SCN3A: variants seen among roughly 807,000 people sequenced by gnomAD.
SCN3A encodes sodium channel protein type 3 subunit alpha.
Under a neutral mutation model 187.6 loss-of-function variants are expected in SCN3A, and 60 were observed. The observed-to-expected ratio is 0.32, with a 90% confidence interval of 0.26 to 0.40. SCN3A has a LOEUF of 0.40. Among genes scored for constraint, SCN3A ranks in the 10% least tolerant of loss-of-function variants. SCN3A has a pLI of 1.00. For missense variants in SCN3A, 1,601 were observed against 2,428.2 expected (o/e 0.66, Z 7.16); for synonymous variants, 788 against 829.2 (o/e 0.95, Z 0.85).
In SCN3A at chr2:165,090,162, T is replaced by C; in HGVS notation, c.5991A>G (p.Glu1997=). The change falls in exon 28 of 28, where the codon GAA becomes GAG. Residue 1997 remains glutamate, a synonymous_variant. Transcript: ENST00000283254. This position sits in a 1 kb window ranked among gnomAD's most constrained non-coding sequence, Gnocchi z 4.0. ...EKESKGKEVR[E]NQK The stretch of plus-strand genomic sequence containing the variant: ...TCTTTGTTTCTTTTTACTTTTGATT[T>C]TCTCTGACCTCTTTTCCTTTGCTTT... The C allele has an allele frequency of 6.3e-7, 1 of 1,582,900 alleles. No individual in the cohort carries two copies. The highest frequency in any genetic ancestry group is 8.6e-7 in the Non-Finnish European group (1 of 1,160,234).
At chr2:165,133,177 G>A (rs534455422) in intron 15 of SCN3A, among the ~76,000 whole-genome samples, 1 of 152,286 alleles carries the variant, frequency 6.6e-6, no homozygotes, top group East Asian at 1.9e-4. Context: ...CTTTTACACT[G>A]TTTGTGGGAC....
intron 3 of SCN3A, among the ~76,000 whole-genome samples, chr2:165,175,072 C>A (rs1054670721): frequency 1.3e-5 from 2 of 152,172 alleles, no homozygotes; most frequent in African/African-American, 4.8e-5. Flanking sequence ...TTATTTAGAA[C>A]AACAGGACTA....
intron 22 of SCN3A, among the ~76,000 whole-genome samples, chr2:165,098,045 C>T (rs2105651397): frequency 6.6e-6 from 1 of 152,180 alleles, no homozygotes; most frequent in African/African-American, 2.4e-5. Context: ...CTTTTTCCCC[C>T]TGTTAGTAAA....
At chr2:165,093,628 TTCA>T (rs1294262964) in intron 26 of SCN3A, 1 of 152,188 alleles carries the variant, frequency 6.6e-6, no homozygotes, top group Non-Finnish European at 1.5e-5. Flanking sequence ...GTAAAGTCAG[TTCA>T]ATCCTTTCCC....
chr2:165,199,457 ACTTG>A (rs1692183269), intron 1 of SCN3A, among the ~76,000 whole-genome samples: 1 of 151,970 alleles, frequency 6.6e-6, no homozygotes, highest in South Asian at 2.1e-4. Context: ...AATATTGTAA[ACTTG>A]CTTGCAAGTT....
chr2:165,174,215 G>A (rs1690306011), intron 3 of SCN3A, among the ~76,000 whole-genome samples: 1 of 152,098 alleles, frequency 6.6e-6, no homozygotes, highest in Non-Finnish European at 1.5e-5. Context: ...GGCCTCCAGT[G>A]TATTTATTTA....
At chr2:165,163,217 G>C (rs1212751395) in intron 7 of SCN3A, among the ~76,000 whole-genome samples, 1 of 140,574 alleles carries the variant, frequency 7.1e-6, no homozygotes, top group Non-Finnish European at 1.5e-5. Context: ...TTAAAATAAT[G>C]TAAGTCTCAT....
chr2:165,151,055 A>G (rs1489633940), intron 11 of SCN3A, among the ~76,000 whole-genome samples: 3 of 152,158 alleles, frequency 2.0e-5, no homozygotes, highest in Non-Finnish European at 4.4e-5. Context: ...AGTTTCACCA[A>G]ATTTGTTTAT....
intron 12 of SCN3A, among the ~76,000 whole-genome samples, chr2:165,142,790 G>A (rs1236914477): frequency 5.3e-5 from 8 of 151,568 alleles, no homozygotes; most frequent in East Asian, 3.9e-4. Flanking sequence ...TCGCTCTGTC[G>A]CCCAGGCTGG....
In SCN3A at chr2:165,159,116, G is replaced by A. The variant is rs190964581; in HGVS notation, c.1031+3192C>T. ...TCCTCATCAGAAGTTGGTATTGCCAGATACATTTTTCAGTCATTCTAACAG... is the reference window on the plus strand; with the variant it reads ...TCCTCATCAGAAGTTGGTATTGCCAAATACATTTTTCAGTCATTCTAACAG... On this transcript the variant is annotated intron_variant, in intron 9 of 27. Transcript: ENST00000283254. Among the ~76,000 whole-genome samples, 18 of 138,142 alleles carry A rather than the reference G, an allele frequency of 1.3e-4. 1 individual carries two copies. Among genetic ancestry groups the A allele is most frequent in the South Asian group, 1.1e-3 (5 of 4,422 alleles). 90.6% of individuals were successfully genotyped at this position (138,142 alleles called of 152,430 possible).
intron 12 of SCN3A, among the ~76,000 whole-genome samples, chr2:165,142,115 C>A (rs1346103858): frequency 6.6e-6 from 1 of 152,142 alleles, no homozygotes; most frequent in Non-Finnish European, 1.5e-5. Context: ...TTCCTCCTTG[C>A]TCTCTCATTC....
At chr2:165,148,626 C>G (rs1368753278) in intron 11 of SCN3A, among the ~76,000 whole-genome samples, 1 of 151,802 alleles carries the variant, frequency 6.6e-6, no homozygotes, top group Non-Finnish European at 1.5e-5. Context: ...TGTGTTTGAC[C>G]AAGCAACACA....
Position 165,176,139 on chromosome 2 carries a change from T to G in SCN3A, c.256A>C (p.Asn86His), listed in dbSNP as rs957355687. ...PLEDLDPYYI[N>H]KKTFIVMNKG... ...CTAAAATCAATACTCACTTTCTTAT[T>G]GATATAGTAGGGATCCAGGTCCTCC... Residue 86 changes from asparagine to histidine, a missense_variant, in exon 3 of 28, where the codon AAT becomes CAT. By Grantham distance (68) the Asn-to-His change is moderately conservative. Around this residue, in one of 11 missense-constraint regions of SCN3A, gnomAD observed 122 missense variants for 225.1 expected, o/e 0.54. Coordinates refer to ENST00000283254, the MANE Select transcript of SCN3A (RefSeq NM_006922.4). The G allele has an allele frequency of 1.9e-6, 3 of 1,613,210 alleles. No individual in the cohort carries two copies. The African/African-American group carries it at 4.0e-5, about 22-fold the overall frequency.
chr2:165,186,366 C>T (rs1383181143), intron 2 of SCN3A, among the ~76,000 whole-genome samples, 185 bp downstream of exon 2: 1 of 152,184 alleles, frequency 6.6e-6, no homozygotes, highest in African/African-American at 2.4e-5. Context: ...ATTCCATTCC[C>T]TAAGGTCATC....
chr2:165,171,859 AT>A (rs1209055632), intron 3 of SCN3A, among the ~76,000 whole-genome samples: 2 of 152,010 alleles, frequency 1.3e-5, no homozygotes, highest in African/African-American at 2.4e-5. Flanking sequence ...CTTTTTCTCC[AT>A]TTTTTTCACA....
At chr2:165,159,667 CTTTT>C (rs777974249) in intron 9 of SCN3A, among the ~76,000 whole-genome samples, 1 of 115,282 alleles carries the variant, frequency 8.7e-6, no homozygotes. Context: ...TAGCCCCAGT[CTTTT>C]TTTTTTTTTT....
intron 21 of SCN3A, among the ~76,000 whole-genome samples, chr2:165,104,186 TATA>T (rs1330478144): frequency 6.6e-6 from 1 of 151,954 alleles, no homozygotes; most frequent in Non-Finnish European, 1.5e-5. Flanking sequence ...AAAGTAAAAG[TATA>T]ATAATAATTT....
In SCN3A at chr2:165,163,780, C is replaced by A. The variant is rs760315552; in HGVS notation, c.603-71G>T. 26 of 1,613,322 alleles carry A rather than the reference C, an allele frequency of 1.6e-5. No homozygotes were observed. The South Asian group carries it at 2.1e-4, about 13-fold the overall frequency. ...AGTTGGAGATATAAGGGGCCTACTA[C>A]CTTACACCAGTTTCTTCTTACCTGG... is the stretch of plus-strand genomic sequence containing the variant. On this transcript the variant is annotated intron_variant, in intron 6 of 27. Coordinates refer to ENST00000283254, the MANE Select transcript of SCN3A (RefSeq NM_006922.4).
intron 6 of SCN3A, chr2:165,164,024 AT>A: frequency 1.2e-6 from 1 of 839,596 alleles, no homozygotes; most frequent in South Asian, 1.7e-5. Context: ...AGGCTGCCAT[AT>A]GCTAAAGGTT....
Sources: gnomAD v4.1 joint callset for allele counts (sites outside exome capture counted in the v4.1 genomes callset) on GRCh38, gnomAD v4.1.1 for gene constraint, gnomAD v4.1.1 regional missense constraint, Gnocchi (gnomAD v3.1) non-coding constraint, MANE v1.5 for transcripts, NCBI Gene and HGNC (gene_info 2026-07-23, HGNC 2026-07-21) for gene names.